PASK: variants seen among roughly 807,000 people sequenced by gnomAD.
The protein encoded by PASK is PAS domain containing serine/threonine kinase.
A neutral mutation model predicts 121.0 loss-of-function variants in PASK; 110 were observed. That is an observed-to-expected ratio of 0.91 (90% CI 0.78 to 1.06). PASK has a LOEUF of 1.06. Ranked by LOEUF, PASK falls within the 50% of genes least tolerant of loss-of-function variation. PASK has a pLI of 0.00. For synonymous variants in PASK, 686 were observed against 717.8 expected (o/e 0.96, Z 0.71); for missense variants, 1,643 against 1,702.3 (o/e 0.97, Z 0.61).
Position 241,112,293 on chromosome 2 carries a change from A to G in PASK, c.3480T>C (p.Tyr1160=). 1 of 1,613,872 alleles carries G rather than the reference A, an allele frequency of 6.2e-7. No individual in the cohort carries two copies. The highest frequency in any genetic ancestry group is 8.5e-7 in the Non-Finnish European group (1 of 1,179,846). Residue 1160 remains tyrosine (Y), a synonymous_variant, in exon 15 of 18, where the codon TAT becomes TAC. Transcript: ENST00000234040. The surrounding 1 kb of genome is among the most constrained non-coding windows in gnomAD (Gnocchi z 5.2). ...AAYLERGKLF[Y]TFCGTIEYCA... ...AGTACTCGATGGTCCCACAAAAAGT[A>G]TAAAATAATTTTCCCCTTTCCAAGT...
In PASK at chr2:241,135,915, G is replaced by T; in HGVS notation, c.1262C>A (p.Thr421Asn). The T allele has an allele frequency of 1.2e-6, 2 of 1,614,182 alleles. No individual in the cohort carries two copies. The highest frequency in any genetic ancestry group is 2.2e-5 in the South Asian group (2 of 91,084). The change falls in exon 8 of 18, where the codon ACC becomes AAC. Residue 421 changes from threonine to asparagine, a missense_variant. Physicochemically the swap from Thr to Asn is moderately conservative, Grantham distance 65. Around this residue, in one of 3 missense-constraint regions of PASK, gnomAD observed 1,176 missense variants for 1,162.2 expected, o/e 1.01. Transcript: ENST00000234040. Reference protein sequence around the residue: ...VGNESGCGERTLDPWQGQDPA... With the variant: ...VGNESGCGERNLDPWQGQDPA... The stretch of plus-strand genomic sequence containing the variant: ...GTCCTGGCCCTGCCACGGGTCCAAG[G>T]TTCTCTCCCCACACCCACTCTCATT...
chr2:241,126,073 G>T, intron 10 of PASK, 123 bp downstream of exon 10: 1 of 847,738 alleles, frequency 1.2e-6, no homozygotes, highest in South Asian at 1.4e-5. Context: ...TTGAAAACAT[G>T]ATTTCTGCTA....
Position 241,140,750 on chromosome 2 carries a change from T to C in PASK, c.200A>G (p.Asp67Gly). The C allele has an allele frequency of 6.2e-7, 1 of 1,605,660 alleles. No individual in the cohort carries two copies. The highest frequency in any genetic ancestry group is 8.5e-7 in the Non-Finnish European group (1 of 1,172,350). The change falls in exon 3 of 18, where the codon GAC (aspartate) becomes GGC (glycine). Residue 67 changes from aspartate (D) to glycine (G), a missense_variant. Asp to Gly is a moderately conservative substitution (Grantham distance 94). Coordinates refer to ENST00000234040, the MANE Select transcript of PASK (RefSeq NM_015148.4). ...TGATAGACAATAGGAGCTCCATCTG[T>C]CTTCTGAAAAGAGAAGCGAAGCGAA... ...LCQSRTALSE[D>G]RWSSYCLSSL...
At chr2:241,148,875 G>A (rs2067114067) in intron 1 of PASK, among the ~76,000 whole-genome samples, 1 of 152,236 alleles carries the variant, frequency 6.6e-6, no homozygotes, top group African/African-American at 2.4e-5. Context: ...CAAGACGGCA[G>A]CGCAGGCCCC....
chr2:241,126,224 G>A lies in PASK; in HGVS notation c.2691C>T (p.Ser897=). 6.2e-7 allele frequency: 1 copy of A among 1,614,076 alleles called. No individual in the cohort carries two copies. Among genetic ancestry groups the A allele is most frequent in the Non-Finnish European group, 8.5e-7 (1 of 1,180,018 alleles). Residue 897 remains serine, a synonymous_variant, in exon 10 of 18, where the codon AGC becomes AGT. Coordinates refer to ENST00000234040, the MANE Select transcript of PASK (RefSeq NM_015148.4). The part of the protein sequence containing the change: ...REIQEGAYSG[S]CYHRDGLRLS... The stretch of plus-strand genomic sequence containing the variant: ...GCCGTAAGCCATCTCGATGGTAGCA[G>A]CTCCCGGAGTAGGCACCCTCCTGGA...
chr2:241,106,638 G>A lies in PASK; in HGVS notation c.3900C>T (p.Gly1300=). The change falls in exon 18 of 18, where the codon GGC becomes GGT. Residue 1300 remains glycine, a synonymous_variant. Coordinates refer to ENST00000234040, the MANE Select transcript of PASK (RefSeq NM_015148.4). ...CATTAGGAGCCTCGCCTGGAACGGG[G>A]CCCCCACAAAGCTCCTGAGCCTGGG... The part of the protein sequence containing the change: ...DVAQAQELCG[G]PVPGEAPNGQ... 1.2e-6 allele frequency: 2 copies of A among 1,614,176 alleles called. No homozygotes were observed. The highest frequency in any genetic ancestry group is 1.7e-6 in the Non-Finnish European group (2 of 1,180,018).
rs114285040 is a variant in PASK, at chr2:241,106,582, C to T, written c.3956G>A (p.Arg1319His). 1.9e-3 allele frequency: 3,081 copies of T among 1,614,142 alleles called. 41 individuals are homozygous for T. In the African/African-American group the frequency reaches 0.033, roughly 18 times the overall value. ...AATTGGTGTTTAGCTGGTCAGCAGA[C>T]GGGGATCCCCGGGATGCAAACAGCC... ...GQGCLHPGDP[R>H]LLTS Residue 1319 changes from arginine to histidine, a missense_variant, in exon 18 of 18, where the codon CGT (arginine) becomes CAT (histidine). Transcript: ENST00000234040.
At position 241,123,998 on chromosome 2, in the gene PASK, C is replaced by A. The variant is rs2065742250; in HGVS notation, c.2855G>T (p.Gly952Val). ...RTRLFLASLP[G>V]STHSTAAELT... The stretch of plus-strand genomic sequence containing the variant: ...CTCAGCAGCGGTAGAGTGGGTGGAG[C>A]CGGGCAGGCTGGCAAGGAACAGGCG... The change falls in exon 11 of 18, where the codon GGC (glycine) becomes GTC (valine). Residue 952 changes from glycine to valine, a missense_variant. Transcript: ENST00000234040. 6.2e-7 allele frequency: 1 copy of A among 1,613,840 alleles called. No individual in the cohort carries two copies. The highest frequency in any genetic ancestry group is 8.5e-7 in the Non-Finnish European group (1 of 1,180,034).
chr2:241,130,018 A>G (rs970605057), intron 9 of PASK, among the ~76,000 whole-genome samples: 1 of 152,226 alleles, frequency 6.6e-6, no homozygotes, highest in African/African-American at 2.4e-5. Flanking sequence ...CAGGAGAACT[A>G]AAGGAGACAA....
intron 9 of PASK, among the ~76,000 whole-genome samples, chr2:241,132,393 G>GTAGTCCCCAGC (rs1214772784): frequency 2.6e-5 from 4 of 151,706 alleles, no homozygotes; most frequent in Non-Finnish European, 4.4e-5. Flanking sequence ...GCGGGCGCCT[G>GTAGTCCCCAGC]TAGTCCCCAG....
At position 241,108,791 on chromosome 2, in the gene PASK, G is replaced by A. The variant is rs1248886444; in HGVS notation, c.3534-491C>T. 3.7e-6 allele frequency: 1 copy of A among 267,870 alleles called. No homozygotes were observed. The highest frequency in any genetic ancestry group is 9.3e-5 in the East Asian group (1 of 10,730). The allele number at this position is 267,870 out of a possible 1,614,324, so 16.6% of individuals were successfully genotyped here. On this transcript the variant is annotated intron_variant, in intron 15 of 17. Coordinates refer to ENST00000234040, the MANE Select transcript of PASK (RefSeq NM_015148.4). This position sits in a 1 kb window ranked among gnomAD's most constrained non-coding sequence, Gnocchi z 5.2. The stretch of plus-strand genomic sequence containing the variant: ...AGATGGCTGTGGCGACGATGTGAAG[G>A]GTGCTGCAGGACGAGACTGAACAGG...
intron 1 of PASK, among the ~76,000 whole-genome samples, chr2:241,144,599 C>A (rs536960696): frequency 6.6e-6 from 1 of 152,354 alleles, no homozygotes; most frequent in South Asian, 2.1e-4. Flanking sequence ...TCTTTCCACC[C>A]AGGTCCTCCC....
chr2:241,134,478 C>G (rs1190525469), intron 8 of PASK: 1 of 152,266 alleles, frequency 6.6e-6, no homozygotes, highest in East Asian at 1.9e-4. Flanking sequence ...AGGCGAGACC[C>G]TGTGGGGAAG....
intron 1 of PASK, among the ~76,000 whole-genome samples, chr2:241,147,496 TG>T (rs1251565250): frequency 6.6e-6 from 1 of 152,006 alleles, no homozygotes; most frequent in African/African-American, 2.4e-5. Flanking sequence ...TGGCACATGC[TG>T]GTAGTCCCAG....
rs1200623294 is a variant in PASK, at chr2:241,115,408, C to T, written c.3078G>A (p.Val1026=). 6.2e-7 allele frequency: 1 copy of T among 1,613,768 alleles called. No homozygotes were observed. The highest frequency in any genetic ancestry group is 1.3e-5 in the African/African-American group (1 of 74,832). The change falls in exon 13 of 18, where the codon GTG becomes GTA. Residue 1026 remains valine (V), a synonymous_variant. Transcript: ENST00000234040. ...AVDKEKNKEV[V]VKFIKKEKVL... ...CCTTCTCCTTCTTAATAAACTTCAC[C>T]ACCACCTGTGAGGAAGACAGAGCGT...
At chr2:241,135,370 CG>C (rs1426233088) in intron 8 of PASK, among the ~76,000 whole-genome samples, 1 of 152,096 alleles carries the variant, frequency 6.6e-6, no homozygotes, top group South Asian at 2.1e-4. Context: ...ACCCGTGGAA[CG>C]CAGGTGCATG....
At chr2:241,143,616 G>A (rs2066816441) in intron 1 of PASK, among the ~76,000 whole-genome samples, 1 of 151,910 alleles carries the variant, frequency 6.6e-6, no homozygotes, top group Admixed American at 6.5e-5. Context: ...TGGGAAAGAG[G>A]GAAGGAGAGA....
intron 1 of PASK, among the ~76,000 whole-genome samples, chr2:241,147,776 A>C (rs555672026): frequency 6.6e-6 from 1 of 152,358 alleles, no homozygotes; most frequent in Non-Finnish European, 1.5e-5. Context: ...CATGGGAGAA[A>C]GTAAATAAAT....
Position 241,106,495 on chromosome 2 carries a change from CCAAA to C in PASK, c.*67_*70del. ...GGGGATGCTTCAGAATGTATTTTCT[CCAAA>C]CAGATGGAGCCTGAAAACTGTGTGA... is the stretch of plus-strand genomic sequence containing the variant. On this transcript the variant is annotated 3_prime_UTR_variant, in exon 18 of 18. Coordinates refer to ENST00000234040, the MANE Select transcript of PASK (RefSeq NM_015148.4). 6.5e-7 allele frequency: 1 copy of C among 1,529,394 alleles called. No individual in the cohort carries two copies. Among genetic ancestry groups the C allele is most frequent in the East Asian group, 2.2e-5 (1 of 44,526 alleles). The allele number at this position is 1,529,394 out of a possible 1,614,324, so 94.7% of individuals were successfully genotyped here. A position where few individuals can be genotyped will look rare whatever the true frequency, so the allele number is the denominator to read the frequency against.
Sources: allele counts gnomAD v4.1 joint callset (sites outside exome capture counted in the v4.1 genomes callset), GRCh38; gene constraint gnomAD v4.1.1; regional missense constraint gnomAD v4.1.1; non-coding constraint Gnocchi (gnomAD v3.1); transcripts MANE v1.5; gene names NCBI Gene and HGNC (gene_info 2026-07-23, HGNC 2026-07-21).